The following SELE variants were observed in gnomAD, a reference collection of about 807,000 sequenced individuals.
SELE encodes E-selectin.
Under a neutral mutation model 75.8 loss-of-function variants are expected in SELE, and 52 were observed. That is an observed-to-expected ratio of 0.69 (90% CI 0.55 to 0.86). SELE has a LOEUF of 0.86. SELE is among the 40% of genes least tolerant of loss of function. SELE has a pLI of 0.00. For synonymous variants in SELE, 285 were observed against 258.7 expected, an observed-to-expected ratio of 1.10 and a Z score of -0.98; for missense variants, 754 against 732.7, an observed-to-expected ratio of 1.03 and a Z score of -0.34.
rs1183615403 is a variant in SELE, at chr1:169,723,511, C to A, written c.*1014G>T. 1 of 152,164 alleles carries A rather than the reference C, an allele frequency of 6.6e-6. No homozygotes were observed. Among genetic ancestry groups the A allele is most frequent in the Non-Finnish European group, 1.5e-5 (1 of 68,030 alleles). The allele number at this position is 152,164 out of a possible 1,614,324, so 9.4% of individuals were successfully genotyped here. A position where few individuals can be genotyped will look rare whatever the true frequency, so the allele number is the denominator to read the frequency against. Reference sequence around the variant, plus strand: ...CTTTTATTAGTTCAAAACGTTTGGCCTCATGGAAGTTTTTCATCGTGGAAA... The same window carrying A: ...CTTTTATTAGTTCAAAACGTTTGGCATCATGGAAGTTTTTCATCGTGGAAA... On this transcript the variant is annotated 3_prime_UTR_variant, in exon 14 of 14. Transcript: ENST00000333360.
chr1:169,723,711 A>G lies in SELE; in HGVS notation c.*814T>C, dbSNP rs1281535590. The G allele has an allele frequency of 2.0e-5, 3 of 152,256 alleles. No individual in the cohort carries two copies. Among genetic ancestry groups the G allele is most frequent in the Admixed American group, 2.0e-4 (3 of 15,284 alleles). The allele number at this position is 152,256 out of a possible 1,614,324, so 9.4% of individuals were successfully genotyped here. ...TTTCCCTTTTTGAAATAAATTTAAA[A>G]CAGATGTAACATAATTTGTTAATAA... On this transcript the variant is annotated 3_prime_UTR_variant, in exon 14 of 14. Transcript: ENST00000333360.
At chr1:169,727,199 T>C (rs1648794051) in intron 10 of SELE, 150 bp downstream of exon 10, 1 of 766,518 alleles carries the variant, frequency 1.3e-6, no homozygotes, top group Non-Finnish European at 2.0e-6. Flanking sequence ...CTTCTGTTTT[T>C]TCTCTATCCC....
At chr1:169,732,549 T>A (rs1648939108) in intron 3 of SELE, 66 bp downstream of exon 3, 1 of 1,504,014 alleles carries the variant, frequency 6.6e-7, no homozygotes, top group Non-Finnish European at 8.9e-7. Context: ...AGTTTTTGCA[T>A]GCTGTAAATT....
intron 3 of SELE, among the ~76,000 whole-genome samples, chr1:169,732,412 A>G (rs1267168381): frequency 6.6e-6 from 1 of 150,700 alleles, no homozygotes; most frequent in Non-Finnish European, 1.5e-5. Context: ...GTGTGTATAT[A>G]TGTGTGTGTG....
chr1:169,725,389 A>T (rs1014214641), intron 13 of SELE, among the ~76,000 whole-genome samples: 14 of 102,004 alleles, frequency 1.4e-4, no homozygotes, highest in East Asian at 3.6e-4. Context: ...TCTCAAAATT[A>T]AAAAAAAAAA....
At position 169,730,540 on chromosome 1, in the gene SELE, T is replaced by A; in HGVS notation, c.607A>T (p.Asn203Tyr). The change falls in exon 5 of 14, where the codon AAT (asparagine) becomes TAT (tyrosine). Residue 203 changes from asparagine (N) to tyrosine (Y), a missense_variant. Physicochemically the swap from Asn to Tyr is moderately radical, Grantham distance 143. Coordinates refer to ENST00000333360, the MANE Select transcript of SELE (RefSeq NM_000450.2). ...TCACAGCTGATAGAGCAGGAAGAAT[T>A]GTAGCTGAAGTTTCCCAGTGGGTGA... ...CSHPLGNFSY[N>Y]SSCSISCDRG... is the part of the protein sequence containing the mutation. The A allele has an allele frequency of 6.2e-7, 1 of 1,614,016 alleles. No individual in the cohort carries two copies. Among genetic ancestry groups the A allele is most frequent in the Non-Finnish European group, 8.5e-7 (1 of 1,179,970 alleles).
At chr1:169,730,703 T>G (rs1354623821) in intron 4 of SELE, 86 bp from the exon 5 acceptor site, 8 of 785,908 alleles carry the variant, frequency 1.0e-5, no homozygotes, top group African/African-American at 1.8e-5. Flanking sequence ...GTTTGGTTTT[T>G]TTTTTTTTTA....
Position 169,727,510 on chromosome 1 carries a change from C to G in SELE, c.1484G>C (p.Ser495Thr). Residue 495 changes from serine (S) to threonine (T), a missense_variant, in exon 10 of 14, where the codon AGC becomes ACC. Coordinates refer to ENST00000333360, the MANE Select transcript of SELE (RefSeq NM_000450.2). ...VPSCQVVKCS[S>T]LAVPGKINMS... Reference sequence around the variant, plus strand: ...GTTGATCTTTCCCGGAACTGCCAGGCTTGAACATTTTACCACTGCAAATGT... The same window carrying G: ...GTTGATCTTTCCCGGAACTGCCAGGGTTGAACATTTTACCACTGCAAATGT... The G allele has an allele frequency of 6.2e-7, 1 of 1,613,562 alleles. No homozygotes were observed. The highest frequency in any genetic ancestry group is 8.5e-7 in the Non-Finnish European group (1 of 1,179,830).
At chr1:169,726,497 A>G (rs1648776883) in intron 11 of SELE, among the ~76,000 whole-genome samples, 2 of 152,216 alleles carry the variant, frequency 1.3e-5, no homozygotes, top group South Asian at 4.1e-4. Flanking sequence ...AATATTAGGC[A>G]CGACTAACAT....
intron 10 of SELE, among the ~76,000 whole-genome samples, chr1:169,727,033 C>T (rs866031797): frequency 1.3e-5 from 2 of 152,206 alleles, no homozygotes; most frequent in African/African-American, 2.4e-5. Context: ...TTGCCAAGCT[C>T]GTTCACAATA....
At chr1:169,725,677 G>A in intron 13 of SELE, 52 bp downstream of exon 13, 1 of 1,461,288 alleles carries the variant, frequency 6.8e-7, no homozygotes, top group East Asian at 2.3e-5. Context: ...GAGAAACAGA[G>A]CATGTAGAGA....
At chr1:169,729,031 A>G (rs1347631658) in intron 7 of SELE, among the ~76,000 whole-genome samples, 155 bp downstream of exon 7, 1 of 152,138 alleles carries the variant, frequency 6.6e-6, no homozygotes, top group African/African-American at 2.4e-5. Flanking sequence ...TCCCTGGCCA[A>G]ACATTAGTTC....
In SELE at chr1:169,727,474, C is replaced by T. The variant is rs375754478; in HGVS notation, c.1520G>A (p.Ser507Asn). The T allele has an allele frequency of 5.1e-5, 83 of 1,614,064 alleles. No individual in the cohort carries two copies. Among genetic ancestry groups the T allele is most frequent in the Admixed American group, 1.0e-4 (6 of 60,008 alleles). The change falls in exon 10 of 14, where the codon AGT (serine) becomes AAT (asparagine). Residue 507 changes from serine to asparagine, a missense_variant. Transcript: ENST00000333360. ...CACAGTGCCAAACACGGGCTCCCCA[C>T]TGCAGCTCATGTTGATCTTTCCCGG... ...AVPGKINMSC[S>N]GEPVFGTVCK...
Position 169,732,663 on chromosome 1 carries a change from A to G in SELE, c.373T>C (p.Trp125Arg). The G allele has an allele frequency of 1.2e-6, 2 of 1,612,792 alleles. No homozygotes were observed. The highest frequency in any genetic ancestry group is 1.7e-6 in the Non-Finnish European group (2 of 1,179,546). Residue 125 changes from tryptophan (W) to arginine (R), a missense_variant, in exon 3 of 14, where the codon TGG becomes CGG. Coordinates refer to ENST00000333360, the MANE Select transcript of SELE (RefSeq NM_000450.2). Reference protein sequence around the residue: ...YIKREKDVGMWNDERCSKKKL... With the variant: ...YIKREKDVGMRNDERCSKKKL... ...TTCTTGCTGCACCTCTCATCATTCCACATGCCCACATCTTTTTCTCTCTTG... is the reference window on the plus strand; with the variant it reads ...TTCTTGCTGCACCTCTCATCATTCCGCATGCCCACATCTTTTTCTCTCTTG...
At chr1:169,728,029 T>A in intron 8 of SELE, 29 bp downstream of exon 8, 1 of 1,584,946 alleles carries the variant, frequency 6.3e-7, no homozygotes, top group Non-Finnish European at 8.5e-7. Context: ...TCTTTTTATC[T>A]TAAAATAAAA....
rs1314330065 is a variant in SELE at position 169,732,674 on chromosome 1, T to G, written c.362A>C (p.Asp121Ala). The G allele has an allele frequency of 6.2e-7, 1 of 1,613,612 alleles. No individual in the cohort carries two copies. Among genetic ancestry groups the G allele is most frequent in the South Asian group, 1.1e-5 (1 of 90,960 alleles). Residue 121 changes from aspartate (D) to alanine (A), a missense_variant, in exon 3 of 14, where the codon GAT (aspartate) becomes GCT (alanine). Coordinates refer to ENST00000333360, the MANE Select transcript of SELE (RefSeq NM_000450.2). ...CCTCTCATCATTCCACATGCCCACA[T>G]CTTTTTCTCTCTTGATGTAGATCTC... Reference protein sequence around the residue: ...CVEIYIKREKDVGMWNDERCS... With the variant: ...CVEIYIKREKAVGMWNDERCS...
intron 10 of SELE, 61 bp downstream of exon 10, chr1:169,727,288 C>T (rs1049606628): frequency 3.9e-6 from 6 of 1,539,656 alleles, no homozygotes; most frequent in African/African-American, 1.4e-5. Context: ...ATTACTGTAA[C>T]AAGATAGCTC....
At chr1:169,730,697 GGT>G in intron 4 of SELE, 80 bp from the exon 5 acceptor site, 1 of 790,180 alleles carries the variant, frequency 1.3e-6, no homozygotes, top group Non-Finnish European at 1.7e-6. Flanking sequence ...ACTACAGTTT[GGT>G]TTTTTTTTTT....
At position 169,725,721 on chromosome 1, in the gene SELE, A is replaced by G; in HGVS notation, c.*15+8T>C. 1 of 1,609,066 alleles carries G rather than the reference A, an allele frequency of 6.2e-7. No individual in the cohort carries two copies. The highest frequency in any genetic ancestry group is 8.5e-7 in the Non-Finnish European group (1 of 1,175,596). The stretch of plus-strand genomic sequence containing the variant: ...CTCTCATAACCATTTGTGATTTACA[A>G]GTCTTACCTGATTCTTTTGAACTTA... On this transcript the variant is annotated splice_region_variant and intron_variant, in intron 13 of 13. Coordinates refer to ENST00000333360, the MANE Select transcript of SELE (RefSeq NM_000450.2).
Sources: allele counts gnomAD v4.1 joint callset (sites outside exome capture counted in the v4.1 genomes callset), GRCh38; gene constraint gnomAD v4.1.1; transcripts MANE v1.5; gene names NCBI Gene and HGNC (gene_info 2026-07-23, HGNC 2026-07-21).